The following WDR7 variants were observed in gnomAD, a reference collection of about 807,000 sequenced individuals.
WDR7 encodes the protein WD repeat domain 7.
In WDR7, 46 loss-of-function variants were observed where a neutral mutation model predicts 169.4. That is an observed-to-expected ratio of 0.27 (90% CI 0.21 to 0.35). The LOEUF is 0.35. Among genes scored for constraint, WDR7 ranks in the 10% least tolerant of loss-of-function variants. WDR7 has a pLI of 1.00. For missense variants in WDR7, 1,534 were observed against 1,859.3 expected, an observed-to-expected ratio of 0.83 and a Z score of 3.22; for synonymous variants, 612 against 666.8, an observed-to-expected ratio of 0.92 and a Z score of 1.27.
At chr18:56,667,182 T>C (rs1000079316) in intron 1 of WDR7, among the ~76,000 whole-genome samples, 7 of 152,320 alleles carry the variant, frequency 4.6e-5, no homozygotes, top group South Asian at 4.1e-4. Context: ...CTCCTACCTC[T>C]TTCCTTACCA....
intron 26 of WDR7, among the ~76,000 whole-genome samples, chr18:56,980,571 A>ACTC (rs10647042): frequency 7.2e-4 from 92 of 128,560 alleles, no homozygotes; most frequent in Admixed American, 2.0e-3. Flanking sequence ...GCAAATAATT[A>ACTC]AAGAAACACA....
chr18:56,946,109 A>G (rs1029582695), intron 25 of WDR7, among the ~76,000 whole-genome samples: 2 of 152,234 alleles, frequency 1.3e-5, no homozygotes, highest in African/African-American at 4.8e-5. Context: ...CTAAGAAGCT[A>G]GTTTAGAATA....
intron 21 of WDR7, among the ~76,000 whole-genome samples, chr18:56,901,202 C>T (rs1428171860): frequency 6.6e-6 from 1 of 152,054 alleles, no homozygotes; most frequent in Admixed American, 6.6e-5. Context: ...GAGTTTAACA[C>T]CAGTGTGGGC....
In WDR7 at chr18:57,019,536, A is replaced by G. The variant is rs1487923189; in HGVS notation, c.4165-1209A>G. Among the ~76,000 whole-genome samples the G allele has an allele frequency of 3.9e-5, 6 of 152,162 alleles. No homozygotes were observed. The East Asian group carries it at 9.6e-4, about 24-fold the overall frequency. Reference sequence around the variant, plus strand: ...CAACATAACTTTTTTTTTGAGTGTTAGAAAACAAGTGTTATTTGGGACACC... The same window carrying G: ...CAACATAACTTTTTTTTTGAGTGTTGGAAAACAAGTGTTATTTGGGACACC... On this transcript the variant is annotated intron_variant, in intron 26 of 27. Transcript: ENST00000254442.
intron 1 of WDR7, among the ~76,000 whole-genome samples, chr18:56,669,893 G>A (rs1336302423): frequency 1.3e-5 from 2 of 152,140 alleles, no homozygotes; most frequent in Non-Finnish European, 2.9e-5. Flanking sequence ...GGAACGTTAA[G>A]CATGGTTTAT....
Position 56,672,748 on chromosome 18 carries a change from A to G in WDR7, c.159+74A>G, listed in dbSNP as rs1259005705. The G allele has an allele frequency of 3.0e-6, 4 of 1,335,552 alleles. No homozygotes were observed. The East Asian group carries it at 8.4e-5, about 28-fold the overall frequency. 82.7% of individuals were successfully genotyped at this position (1,335,552 alleles called of 1,614,324 possible). On this transcript the variant is annotated intron_variant, in intron 2 of 27. Coordinates refer to ENST00000254442, the MANE Select transcript of WDR7 (RefSeq NM_015285.3). ...TATTAGAAGATAATATAGTCCCCAAATGATGCTTTTGGGCCCACAGTAGAT... is the reference window on the plus strand; with the variant it reads ...TATTAGAAGATAATATAGTCCCCAAGTGATGCTTTTGGGCCCACAGTAGAT...
chr18:56,830,719 T>G (rs2045294048), intron 20 of WDR7, among the ~76,000 whole-genome samples: 1 of 152,214 alleles, frequency 6.6e-6, no homozygotes, highest in Non-Finnish European at 1.5e-5. Context: ...CAGCACACTT[T>G]TTTTTGAGAT....
chr18:56,988,590 AGTGTGTGT>A (rs71171009), intron 26 of WDR7, among the ~76,000 whole-genome samples: 7,049 of 142,554 alleles, frequency 0.049, 260 homozygotes, highest in African/African-American at 0.11. Context: ...ATGGAAGGCA[AGTGTGTGT>A]GTGTGTGTGT....
In WDR7 at chr18:56,801,628, C is replaced by A. The variant is rs947248263; in HGVS notation, c.3191-14403C>A. On this transcript the variant is annotated intron_variant, in intron 19 of 27. Transcript: ENST00000254442. ...TGTAATCAACTCCTCTCCTTTCAAT[C>A]CCTGGCAATCACTCATCTGTTTTCC... Among the ~76,000 whole-genome samples, 9 of 152,268 alleles carry A rather than the reference C, an allele frequency of 5.9e-5. 1 individual carries two copies. In the East Asian group the frequency reaches 1.7e-3, roughly 29 times the overall value.
At chr18:56,718,305 T>A in intron 13 of WDR7, 146 bp downstream of exon 13, 1 of 851,766 alleles carries the variant, frequency 1.2e-6, no homozygotes, top group Admixed American at 3.2e-5. Context: ...AGTGGCCTCT[T>A]TTTTGTTCTG....
At chr18:56,862,796 C>G (rs1039239792) in intron 20 of WDR7, among the ~76,000 whole-genome samples, 6 of 151,696 alleles carry the variant, frequency 4.0e-5, no homozygotes, top group Non-Finnish European at 8.9e-5. Context: ...ATTGCTATAT[C>G]TCTTATTGAT....
At chr18:56,975,475 G>A (rs2047552625) in intron 26 of WDR7, among the ~76,000 whole-genome samples, 1 of 152,120 alleles carries the variant, frequency 6.6e-6, no homozygotes, top group East Asian at 1.9e-4. Flanking sequence ...TAATGGTTAG[G>A]AGGAATGAGA....
intron 16 of WDR7, among the ~76,000 whole-genome samples, chr18:56,759,933 C>T (rs993291595): frequency 3.3e-5 from 5 of 152,116 alleles, no homozygotes; most frequent in African/African-American, 1.2e-4. Flanking sequence ...TGATTTTCAG[C>T]GTTAGGCACT....
chr18:56,721,349 A>G (rs917952050), intron 13 of WDR7: 1 of 152,154 alleles, frequency 6.6e-6, no homozygotes, highest in African/African-American at 2.4e-5. Flanking sequence ...TTCAGTTTAT[A>G]GTTCCCTGTG....
At chr18:56,687,934 T>G (rs2025476611) in intron 7 of WDR7, among the ~76,000 whole-genome samples, 1 of 152,192 alleles carries the variant, frequency 6.6e-6, no homozygotes, top group Non-Finnish European at 1.5e-5. Context: ...GGCTACATTT[T>G]GTTCTTTAAA....
chr18:56,912,973 C>T (rs187458654), intron 21 of WDR7, among the ~76,000 whole-genome samples: 1 of 151,784 alleles, frequency 6.6e-6, no homozygotes, highest in Admixed American at 6.6e-5. Context: ...CTCCTGGGCT[C>T]AAGGGATCCT....
Position 56,817,615 on chromosome 18 carries a change from A to T in WDR7, c.3304+1471A>T, listed in dbSNP as rs147658685. Among the ~76,000 whole-genome samples the T allele has an allele frequency of 1.5e-3, 231 of 152,308 alleles. 3 individuals are homozygous for T. The East Asian group carries it at 0.032, about 21-fold the overall frequency. On this transcript the variant is annotated intron_variant, in intron 20 of 27. Coordinates refer to ENST00000254442, the MANE Select transcript of WDR7 (RefSeq NM_015285.3). ...TAAATTCTTTTTAGTGTGTAAGTTC[A>T]TTGATGAAAAATATTATCCAACCTA...
chr18:57,027,392 G>T lies in WDR7; in HGVS notation c.*185G>T. 1.4e-6 allele frequency: 1 copy of T among 692,504 alleles called. No individual in the cohort carries two copies. The highest frequency in any genetic ancestry group is 2.4e-6 in the Non-Finnish European group (1 of 420,986). 42.9% of individuals were successfully genotyped at this position (692,504 alleles called of 1,614,324 possible). A position where few individuals can be genotyped will look rare whatever the true frequency, so the allele number is the denominator to read the frequency against. Reference sequence around the variant, plus strand: ...GCAGAACCCGCTCGTGCCATCTGTCGATTCAGAGGCACGCACACATGCTCT... The same window carrying T: ...GCAGAACCCGCTCGTGCCATCTGTCTATTCAGAGGCACGCACACATGCTCT... On this transcript the variant is annotated 3_prime_UTR_variant, in exon 28 of 28. Coordinates refer to ENST00000254442, the MANE Select transcript of WDR7 (RefSeq NM_015285.3).
chr18:56,794,669 A>T (rs549947180), intron 19 of WDR7, among the ~76,000 whole-genome samples: 1 of 152,294 alleles, frequency 6.6e-6, no homozygotes, highest in South Asian at 2.1e-4. Flanking sequence ...CAAAAAATTA[A>T]AACCAATTTG....
Sources: gnomAD v4.1 joint callset for allele counts (sites outside exome capture counted in the v4.1 genomes callset) on GRCh38, gnomAD v4.1.1 for gene constraint, MANE v1.5 for transcripts, NCBI Gene and HGNC (gene_info 2026-07-23, HGNC 2026-07-21) for gene names.